SNTG1: variants seen among roughly 807,000 people sequenced by gnomAD.
SNTG1 encodes the protein syntrophin gamma 1, also known as gamma-1-syntrophin.
Under a neutral mutation model 74.7 loss-of-function variants are expected in SNTG1, and 39 were observed. The observed-to-expected ratio is 0.52, with a 90% confidence interval of 0.40 to 0.68. The LOEUF (loss-of-function observed/expected upper bound fraction) is 0.68, where lower values mean the gene tolerates loss of function less well. Among genes scored for constraint, SNTG1 ranks in the 30% least tolerant of loss-of-function variants. The pLI is 0.00. For missense variants in SNTG1, 685 were observed against 609.5 expected, an observed-to-expected ratio of 1.12 and a Z score of -1.30; for synonymous variants, 254 against 217.1, an observed-to-expected ratio of 1.17 and a Z score of -1.49.
At chr8:50,339,903 A>G (rs1322860723) in intron 2 of SNTG1, among the ~76,000 whole-genome samples, 1 of 151,868 alleles carries the variant, frequency 6.6e-6, no homozygotes, top group African/African-American at 2.4e-5. Context: ...AATAAACAAG[A>G]GTAAACTATG....
chr8:50,557,484 A>T (rs2094462889), intron 12 of SNTG1, among the ~76,000 whole-genome samples: 1 of 152,162 alleles, frequency 6.6e-6, no homozygotes, highest in South Asian at 2.1e-4. Context: ...CTGAAATCAG[A>T]TGCCAGCAGG....
intron 2 of SNTG1, among the ~76,000 whole-genome samples, chr8:50,279,639 T>C (rs146129322): frequency 2.6e-5 from 4 of 152,224 alleles, no homozygotes; most frequent in Non-Finnish European, 5.9e-5. Context: ...AAAAAATAGA[T>C]TAACAAGAGA....
At chr8:50,400,908 A>T (rs545705462) in intron 3 of SNTG1, among the ~76,000 whole-genome samples, 3 of 152,184 alleles carry the variant, frequency 2.0e-5, no homozygotes, top group Non-Finnish European at 4.4e-5. Context: ...CACAGCTAAC[A>T]GTAATGCATT....
intron 9 of SNTG1, among the ~76,000 whole-genome samples, chr8:50,519,126 C>T (rs919132252): frequency 5.9e-5 from 9 of 152,158 alleles, no homozygotes; most frequent in Non-Finnish European, 1.3e-4. Flanking sequence ...CGGCTTCATC[C>T]CTGGGATGCA....
At chr8:50,397,885 G>A (rs941720863) in intron 3 of SNTG1, among the ~76,000 whole-genome samples, 9 of 152,138 alleles carry the variant, frequency 5.9e-5, no homozygotes, top group African/African-American at 9.7e-5. Context: ...AGATGGTTGC[G>A]TTAATTTTTG....
intron 17 of SNTG1, among the ~76,000 whole-genome samples, chr8:50,734,399 G>C (rs2095520327): frequency 6.6e-6 from 1 of 151,148 alleles, no homozygotes; most frequent in Non-Finnish European, 1.5e-5. Context: ...AATATCTGTT[G>C]AATAAATAAA....
chr8:50,030,311 T>C (rs1817636018), intron 1 of SNTG1, among the ~76,000 whole-genome samples: 1 of 152,100 alleles, frequency 6.6e-6, no homozygotes, highest in African/African-American at 2.4e-5. Context: ...CTCTTCACTT[T>C]ATTGTTTCCT....
intron 12 of SNTG1, among the ~76,000 whole-genome samples, chr8:50,580,654 G>T (rs997422815): frequency 1.6e-4 from 24 of 152,114 alleles, no homozygotes; most frequent in African/African-American, 5.8e-4. Context: ...TCCCTCTTTT[G>T]CTTGGCACTT....
intron 9 of SNTG1, among the ~76,000 whole-genome samples, chr8:50,514,680 C>G (rs552576414): frequency 2.0e-5 from 3 of 152,138 alleles, no homozygotes; most frequent in Non-Finnish European, 4.4e-5. Context: ...TTTGTGTACA[C>G]ATAAGAAGAA....
chr8:50,733,700 A>G (rs1437649584), intron 17 of SNTG1, among the ~76,000 whole-genome samples: 1 of 151,724 alleles, frequency 6.6e-6, no homozygotes, highest in South Asian at 2.1e-4. Flanking sequence ...GCATTTTTTC[A>G]TGTGTTTGTT....
intron 1 of SNTG1, among the ~76,000 whole-genome samples, chr8:50,005,502 G>A (rs138031977): frequency 1.2e-4 from 18 of 151,242 alleles, no homozygotes; most frequent in East Asian, 5.8e-4. Flanking sequence ...ATTTAGTTGC[G>A]TATTTCAATA....
At chr8:50,312,689 A>G (rs2090161984) in intron 2 of SNTG1, among the ~76,000 whole-genome samples, 1 of 149,978 alleles carries the variant, frequency 6.7e-6, no homozygotes, top group African/African-American at 2.5e-5. Flanking sequence ...AAACTTCCAC[A>G]TGGCAAAATA....
chr8:50,702,778 C>A (rs890375026), intron 15 of SNTG1, among the ~76,000 whole-genome samples: 4 of 152,082 alleles, frequency 2.6e-5, no homozygotes, highest in African/African-American at 9.7e-5. Context: ...TACTGCACAG[C>A]GAGGTTATAC....
intron 2 of SNTG1, among the ~76,000 whole-genome samples, chr8:50,378,210 A>C (rs2092422355): frequency 6.6e-6 from 1 of 152,210 alleles, no homozygotes; most frequent in Non-Finnish European, 1.5e-5. Context: ...TGGCATGAGC[A>C]ACAGCTCTCT....
At chr8:50,681,609 G>T (rs1261924032) in intron 15 of SNTG1, among the ~76,000 whole-genome samples, 1 of 152,120 alleles carries the variant, frequency 6.6e-6, no homozygotes, top group Non-Finnish European at 1.5e-5. Context: ...TATTTTTGAA[G>T]TATTTTTTGA....
chr8:50,208,837 A>T (rs1264525930), intron 2 of SNTG1, among the ~76,000 whole-genome samples: 1 of 152,202 alleles, frequency 6.6e-6, no homozygotes, highest in Admixed American at 6.5e-5. Context: ...TGAGCGAAGC[A>T]GAAGATGGGT....
intron 8 of SNTG1, among the ~76,000 whole-genome samples, chr8:50,482,492 ACT>A (rs1215084908): frequency 1.3e-5 from 2 of 152,148 alleles, no homozygotes; most frequent in Non-Finnish European, 2.9e-5. Context: ...GAGTTCTCAC[ACT>A]CTCATTGTGA....
chr8:50,307,732 G>T (rs915554563), intron 2 of SNTG1, among the ~76,000 whole-genome samples: 5 of 151,906 alleles, frequency 3.3e-5, no homozygotes, highest in African/African-American at 1.2e-4. Context: ...TTCTGTCTTC[G>T]ATGTTTTTCT....
rs992678991 is a variant in SNTG1, at chr8:50,796,556, T to G, written c.*3727T>G. The G allele has an allele frequency of 3.9e-5, 6 of 152,018 alleles. No individual in the cohort carries two copies. Among genetic ancestry groups the G allele is most frequent in the Non-Finnish European group, 7.4e-5 (5 of 67,942 alleles). The allele number at this position is 152,018 out of a possible 1,614,324, so 9.4% of individuals were successfully genotyped here. On this transcript the variant is annotated 3_prime_UTR_variant, in exon 19 of 19. Transcript: ENST00000642720. Reference sequence around the variant, plus strand: ...TTTCATTTTTAATTGTTTTGGTGGATGTTTGTAAAATGTAAATTAATATCT... The same window carrying G: ...TTTCATTTTTAATTGTTTTGGTGGAGGTTTGTAAAATGTAAATTAATATCT...
Sources: gnomAD v4.1 joint callset for allele counts (sites outside exome capture counted in the v4.1 genomes callset) on GRCh38, gnomAD v4.1.1 for gene constraint, MANE v1.5 for transcripts, NCBI Gene and HGNC (gene_info 2026-07-23, HGNC 2026-07-21) for gene names.